LPP: variants seen among roughly 807,000 people sequenced by gnomAD.
LPP encodes the protein LIM domain containing preferred translocation partner in lipoma.
LPP carries 38 observed loss-of-function variants against 60.4 expected under a neutral mutation model. That is an observed-to-expected ratio of 0.63 (90% CI 0.49 to 0.83). The LOEUF (loss-of-function observed/expected upper bound fraction) is 0.83, where lower values mean the gene tolerates loss of function less well. Among genes scored for constraint, LPP ranks in the 40% least tolerant of loss-of-function variants. LPP has a pLI of 0.00. For synonymous variants in LPP, 328 were observed against 290.8 expected (o/e 1.13, Z -1.30); for missense variants, 902 against 783.6 (o/e 1.15, Z -1.80).
intron 4 of LPP, among the ~76,000 whole-genome samples, chr3:188,444,697 A>G (rs1439317907): frequency 6.6e-6 from 1 of 152,218 alleles, no homozygotes; most frequent in East Asian, 1.9e-4. Flanking sequence ...GTGAACAGGC[A>G]GCCTACAGAA....
rs112290662 is a variant in LPP, at chr3:188,269,113, T to C, written c.-67+43586T>C. ...CATGCTGTTGAAATAACAAAGCTGGTTTGTGGGTGATCATATACTATAGTA... is the reference window on the plus strand; with the variant it reads ...CATGCTGTTGAAATAACAAAGCTGGCTTGTGGGTGATCATATACTATAGTA... On this transcript the variant is annotated intron_variant, in intron 2 of 11. Transcript: ENST00000617246. 5.1e-3 allele frequency among the ~76,000 whole-genome samples: 783 copies of C among 152,284 alleles called. 4 individuals are homozygous for C. Among genetic ancestry groups the C allele is most frequent in the African/African-American group, 0.018 (746 of 41,552 alleles).
At chr3:188,511,229 TTCCTCCCTCCCTCACTCCCTTCCCTC>T (rs1815492808) in intron 5 of LPP, among the ~76,000 whole-genome samples, 1 of 85,716 alleles carries the variant, frequency 1.2e-5, no homozygotes, top group East Asian at 5.1e-4. Flanking sequence ...CCTTCCTCCC[TTCCTCCCTCCCTCACTCCCTTCCCTC>T]CCTTCCCTCC....
intron 4 of LPP, among the ~76,000 whole-genome samples, chr3:188,449,009 G>A (rs1795977200): frequency 6.6e-6 from 1 of 152,150 alleles, no homozygotes; most frequent in South Asian, 2.1e-4. Flanking sequence ...TACTAAGATA[G>A]CAAAAAATAG....
chr3:188,583,889 A>T (rs1836828677), intron 6 of LPP, among the ~76,000 whole-genome samples: 1 of 152,200 alleles, frequency 6.6e-6, no homozygotes, highest in African/African-American at 2.4e-5. Flanking sequence ...TTGGTATTTT[A>T]CAAGGAGGGA....
intron 4 of LPP, among the ~76,000 whole-genome samples, chr3:188,477,659 C>A (rs1210449577): frequency 3.9e-5 from 6 of 152,092 alleles, no homozygotes. Context: ...CTGTTTTGTG[C>A]ATATGTGTTA....
intron 9 of LPP, among the ~76,000 whole-genome samples, chr3:188,846,845 G>C (rs1326027960): frequency 6.6e-6 from 1 of 152,150 alleles, no homozygotes; most frequent in Non-Finnish European, 1.5e-5. Flanking sequence ...TTCTCCAGAA[G>C]GCATAGAGAG....
chr3:188,719,664 A>C (rs1023146077), intron 8 of LPP, among the ~76,000 whole-genome samples: 4 of 152,238 alleles, frequency 2.6e-5, no homozygotes, highest in African/African-American at 9.6e-5. Flanking sequence ...TGCAAGTGCT[A>C]ATTATGCATC....
intron 6 of LPP, among the ~76,000 whole-genome samples, chr3:188,543,929 G>A (rs1227937934): frequency 6.6e-6 from 1 of 152,186 alleles, no homozygotes; most frequent in Non-Finnish European, 1.5e-5. Context: ...TAGTGCAAAT[G>A]TAAGTTTATT....
rs116343982 is a variant in LPP, at chr3:188,482,304, A to G, written c.194-2288A>G. ...GTGAGAGAACAGACTCATACAACATAGATTCAGATAGAACATTTGAACTTG... is the reference window on the plus strand; with the variant it reads ...GTGAGAGAACAGACTCATACAACATGGATTCAGATAGAACATTTGAACTTG... On this transcript the variant is annotated intron_variant, in intron 4 of 11. Transcript: ENST00000617246. Among the ~76,000 whole-genome samples, 463 of 152,346 alleles carry G rather than the reference A, an allele frequency of 3.0e-3. 3 individuals are homozygous for G. Among genetic ancestry groups the G allele is most frequent in the African/African-American group, 0.011 (446 of 41,590 alleles).
chr3:188,168,521 T>G (rs1015777949), intron 1 of LPP, among the ~76,000 whole-genome samples: 1 of 152,198 alleles, frequency 6.6e-6, no homozygotes, highest in Non-Finnish European at 1.5e-5. Flanking sequence ...CTCTAATGCT[T>G]AAGTCTAAAT....
intron 5 of LPP, among the ~76,000 whole-genome samples, chr3:188,501,018 C>G (rs1320830440): frequency 6.6e-6 from 1 of 151,820 alleles, no homozygotes; most frequent in East Asian, 1.9e-4. Context: ...TTAGTATTCT[C>G]TATTATTTTT....
intron 2 of LPP, among the ~76,000 whole-genome samples, chr3:188,308,792 T>TG (rs1188172627): frequency 6.6e-6 from 1 of 152,182 alleles, no homozygotes; most frequent in African/African-American, 2.4e-5. Flanking sequence ...CACTTATTGC[T>TG]GGGGGCTCCA....
chr3:188,502,107 C>A (rs1396990226), intron 5 of LPP, among the ~76,000 whole-genome samples: 1 of 152,100 alleles, frequency 6.6e-6, no homozygotes, highest in Non-Finnish European at 1.5e-5. Context: ...TGGAACATGT[C>A]CCATGTGCAC....
intron 9 of LPP, among the ~76,000 whole-genome samples, chr3:188,863,338 C>G (rs556723850): frequency 2.0e-5 from 3 of 152,188 alleles, no homozygotes; most frequent in Non-Finnish European, 4.4e-5. Context: ...TAGCAACTTT[C>G]CTTTTTCATG....
chr3:188,645,123 G>A (rs1001192488), intron 7 of LPP, among the ~76,000 whole-genome samples: 5 of 152,064 alleles, frequency 3.3e-5, no homozygotes, highest in Non-Finnish European at 7.4e-5. Context: ...TTTTATTATC[G>A]TTGTAATTAC....
At chr3:188,292,382 G>C (rs902461381) in intron 2 of LPP, among the ~76,000 whole-genome samples, 2 of 152,178 alleles carry the variant, frequency 1.3e-5, no homozygotes, top group Non-Finnish European at 2.9e-5. Context: ...TCATGAGTTG[G>C]ATCTAAGGTG....
chr3:188,578,626 C>CT (rs5855210), intron 6 of LPP, among the ~76,000 whole-genome samples: 111,477 of 150,182 alleles, frequency 0.74, 42,179 homozygotes, highest in Non-Finnish European at 0.82. Flanking sequence ...CATTCCCTCA[C>CT]TTTTTTTTTT....
chr3:188,430,774 C>G lies in LPP; in HGVS notation c.193+24461C>G, dbSNP rs77910475. 2.2e-3 allele frequency among the ~76,000 whole-genome samples: 337 copies of G among 152,216 alleles called. 2 individuals carry two copies. Among genetic ancestry groups the G allele is most frequent in the African/African-American group, 7.5e-3 (313 of 41,544 alleles). On this transcript the variant is annotated intron_variant, in intron 4 of 11. Transcript: ENST00000617246. ...GAAAGCCCAATAGTAAGGCCAAGTT[C>G]AGTAAAGTTGAAAATGCTTTACACC...
intron 10 of LPP, among the ~76,000 whole-genome samples, chr3:188,872,104 A>G (rs749789520): frequency 7.9e-5 from 12 of 152,186 alleles, no homozygotes; most frequent in Non-Finnish European, 1.2e-4. Flanking sequence ...ATTTAAACGC[A>G]CTAACCTCTG....
Sources: allele counts gnomAD v4.1 joint callset (sites outside exome capture counted in the v4.1 genomes callset), GRCh38; gene constraint gnomAD v4.1.1; transcripts MANE v1.5; gene names NCBI Gene and HGNC (gene_info 2026-07-23, HGNC 2026-07-21).